ADAMTS20: variants seen among roughly 807,000 people sequenced by gnomAD.
ADAMTS20 encodes the protein ADAM metallopeptidase with thrombospondin type 1 motif 20.
Under a neutral mutation model 260.1 loss-of-function variants are expected in ADAMTS20, and 225 were observed. The ratio of observed to expected loss-of-function variants is 0.87; its 90% CI spans 0.78 to 0.97. ADAMTS20 has a LOEUF of 0.97. Ranked by LOEUF, ADAMTS20 falls within the 50% of genes least tolerant of loss-of-function variation. ADAMTS20 has a pLI of 0.00. For missense variants in ADAMTS20, 2,400 were observed against 2,337.7 expected (o/e 1.03, Z -0.55); for synonymous variants, 802 against 769.5 (o/e 1.04, Z -0.70).
chr12:43,500,009 C>G (rs1236688592), intron 4 of ADAMTS20, among the ~76,000 whole-genome samples: 2 of 145,100 alleles, frequency 1.4e-5, no homozygotes, highest in African/African-American at 5.2e-5. Flanking sequence ...CAGTATCTCT[C>G]CCACCCAACT....
intron 15 of ADAMTS20, among the ~76,000 whole-genome samples, chr12:43,445,516 C>T (rs1426025563): frequency 2.0e-5 from 3 of 152,028 alleles, no homozygotes; most frequent in African/African-American, 7.2e-5. Flanking sequence ...ACAATTTGAA[C>T]ACACATGAAC....
intron 3 of ADAMTS20, among the ~76,000 whole-genome samples, chr12:43,515,337 G>A (rs752723249): frequency 6.6e-6 from 1 of 152,074 alleles, no homozygotes; most frequent in Non-Finnish European, 1.5e-5. Flanking sequence ...TGAAATATTA[G>A]TATGAGCTTT....
At chr12:43,392,272 C>T (rs771055018) in intron 29 of ADAMTS20, among the ~76,000 whole-genome samples, 2 of 151,996 alleles carry the variant, frequency 1.3e-5, no homozygotes, top group African/African-American at 2.4e-5. Context: ...GAAATATAAA[C>T]TATATTTGGA....
intron 2 of ADAMTS20, among the ~76,000 whole-genome samples, chr12:43,534,744 A>C (rs1257462267): frequency 6.6e-6 from 1 of 152,216 alleles, no homozygotes; most frequent in Non-Finnish European, 1.5e-5. Flanking sequence ...CAGAATGTAT[A>C]CTTCACTACT....
At chr12:43,368,297 C>G (rs938494774) in intron 37 of ADAMTS20, among the ~76,000 whole-genome samples, 2 of 152,076 alleles carry the variant, frequency 1.3e-5, no homozygotes, top group Non-Finnish European at 2.9e-5. Context: ...AGGAGTCATA[C>G]TGAACTCATG....
intron 11 of ADAMTS20, among the ~76,000 whole-genome samples, chr12:43,459,443 A>C (rs1942022563): frequency 6.6e-6 from 1 of 152,140 alleles, no homozygotes; most frequent in Non-Finnish European, 1.5e-5. Context: ...CATTCCTCGG[A>C]ATCTGTGAGG....
chr12:43,376,203 G>GT lies in ADAMTS20; in HGVS notation c.5220+32dup, dbSNP rs759789303. 3 of 1,539,208 alleles carry GT rather than the reference G, an allele frequency of 1.9e-6. No individual in the cohort carries two copies. The East Asian group carries it at 7.0e-5, about 36-fold the overall frequency. On this transcript the variant is annotated intron_variant, in intron 34 of 38. Coordinates refer to ENST00000389420, the MANE Select transcript of ADAMTS20 (RefSeq NM_025003.5). The stretch of plus-strand genomic sequence containing the variant: ...ACTTTTTCCAAAGTCAATGATCAAT[G>GT]TTAAAATAAAAAAGGAACTGTTTTC...
Position 43,386,472 on chromosome 12 carries a change from C to T in ADAMTS20, c.4453-2495G>A, listed in dbSNP as rs1940480270. 2.6e-5 allele frequency among the ~76,000 whole-genome samples: 4 copies of T among 152,218 alleles called. No individual in the cohort carries two copies. In the South Asian group the frequency reaches 6.2e-4, roughly 24 times the overall value. On this transcript the variant is annotated intron_variant, in intron 29 of 38. Coordinates refer to ENST00000389420, the MANE Select transcript of ADAMTS20 (RefSeq NM_025003.5). ...CTGTCAATTATGTGTCTTGGGGTTG[C>T]TTTTCTCCAGGACTACCTTTGTAGT...
At chr12:43,477,939 C>T (rs1273312364) in intron 7 of ADAMTS20, among the ~76,000 whole-genome samples, 1 of 152,082 alleles carries the variant, frequency 6.6e-6, no homozygotes, top group African/African-American at 2.4e-5. Flanking sequence ...AAAGCACACA[C>T]TTTTTGAGCT....
intron 6 of ADAMTS20, among the ~76,000 whole-genome samples, chr12:43,491,296 A>G (rs758068742): frequency 6.6e-6 from 1 of 152,144 alleles, no homozygotes; most frequent in Non-Finnish European, 1.5e-5. Flanking sequence ...CTTGGTGTGT[A>G]GTAGACTACA....
intron 2 of ADAMTS20, among the ~76,000 whole-genome samples, chr12:43,542,480 T>C (rs976163339): frequency 6.6e-6 from 1 of 150,554 alleles, no homozygotes; most frequent in Non-Finnish European, 1.5e-5. Flanking sequence ...TATTTTGACA[T>C]GGAACTCTTC....
Position 43,464,748 on chromosome 12 carries a change from A to G in ADAMTS20, c.1368-16T>C. On this transcript the variant is annotated splice_polypyrimidine_tract_variant and intron_variant, in intron 9 of 38. Transcript: ENST00000389420. ...GTAACCAGTACTGTAACAGTGACAG[A>G]AAATAAAATATTGTGAATACACATG... is the stretch of plus-strand genomic sequence containing the variant. 3 of 1,602,764 alleles carry G rather than the reference A, an allele frequency of 1.9e-6. No individual in the cohort carries two copies. Among genetic ancestry groups the G allele is most frequent in the Non-Finnish European group, 2.6e-6 (3 of 1,174,942 alleles).
chr12:43,419,446 A>G (rs1365265698), intron 28 of ADAMTS20, among the ~76,000 whole-genome samples: 1 of 152,154 alleles, frequency 6.6e-6, no homozygotes, highest in Non-Finnish European at 1.5e-5. Flanking sequence ...AATTTGGGAT[A>G]TCTAAATGTA....
At chr12:43,436,278 G>A (rs530168639) in intron 18 of ADAMTS20, among the ~76,000 whole-genome samples, 1 of 152,196 alleles carries the variant, frequency 6.6e-6, no homozygotes, top group East Asian at 1.9e-4. Context: ...CTGACAGGGC[G>A]AATGTGTGAG....
In ADAMTS20 at chr12:43,478,854, G is replaced by A. The variant is rs532082898; in HGVS notation, c.1118-10149C>T. Among the ~76,000 whole-genome samples the A allele has an allele frequency of 2.0e-5, 3 of 152,314 alleles. No individual in the cohort carries two copies. The East Asian group carries it at 5.8e-4, about 29-fold the overall frequency. ...TTAGTAAATTACTGAATTAGAAAGA[G>A]TGGGTTGTGAGAATCCCTGACTTTG... On this transcript the variant is annotated intron_variant, in intron 7 of 38. Coordinates refer to ENST00000389420, the MANE Select transcript of ADAMTS20 (RefSeq NM_025003.5).
rs766120061 is a variant in ADAMTS20, at chr12:43,439,786, C to A, written c.2464-35G>T. The A allele has an allele frequency of 7.0e-6, 11 of 1,573,286 alleles. No individual in the cohort carries two copies. The East Asian group carries it at 2.3e-4, about 33-fold the overall frequency. ...AATATAAAAGAACATACAATTAATACATAAAAATATATTCTTGACATCATT... is the reference window on the plus strand; with the variant it reads ...AATATAAAAGAACATACAATTAATAAATAAAAATATATTCTTGACATCATT... On this transcript the variant is annotated intron_variant, in intron 17 of 38. Coordinates refer to ENST00000389420, the MANE Select transcript of ADAMTS20 (RefSeq NM_025003.5).
intron 14 of ADAMTS20, among the ~76,000 whole-genome samples, chr12:43,451,294 G>T (rs1403074601): frequency 2.0e-5 from 3 of 151,926 alleles, no homozygotes; most frequent in Admixed American, 6.6e-5. Flanking sequence ...TCTCAAACTC[G>T]CCATCCATTC....
downstream of ADAMTS20, among the ~76,000 whole-genome samples, chr12:43,353,141 T>G (rs1939670708): frequency 6.6e-6 from 1 of 152,058 alleles, no homozygotes; most frequent in Admixed American, 6.5e-5. Context: ...AAGTATATTA[T>G]TATATAATAC....
chr12:43,512,336 T>G (rs567341623), intron 3 of ADAMTS20, among the ~76,000 whole-genome samples: 7 of 149,528 alleles, frequency 4.7e-5, no homozygotes, highest in African/African-American at 1.5e-4. Context: ...GATAATAATT[T>G]TATATTTATA....
Sources: gnomAD v4.1 joint callset for allele counts (sites outside exome capture counted in the v4.1 genomes callset) on GRCh38, gnomAD v4.1.1 for gene constraint, MANE v1.5 for transcripts, NCBI Gene and HGNC (gene_info 2026-07-23, HGNC 2026-07-21) for gene names.